PEX3: variants seen among roughly 807,000 people sequenced by gnomAD.
PEX3 encodes the protein peroxisomal biogenesis factor 3.
In PEX3, 30 loss-of-function variants were observed where a neutral mutation model predicts 55.8. The observed-to-expected ratio is 0.54, with a 90% CI of 0.40 to 0.73. The LOEUF (loss-of-function observed/expected upper bound fraction) is 0.73. PEX3 is among the 30% of genes least tolerant of loss of function. The pLI, the probability that PEX3 is intolerant of heterozygous loss-of-function variation, is 0.00. For synonymous variants in PEX3, 135 were observed against 148.4 expected (o/e 0.91, Z 0.66); for missense variants, 351 against 432.8 (o/e 0.81, Z 1.68).
In PEX3 at chr6:143,465,188, C is replaced by T. The variant is rs1779975313; in HGVS notation, c.287+2191C>T. The stretch of plus-strand genomic sequence containing the variant: ...GTTGTATTTAACTTGCAGTTGATTT[C>T]CATCAAACAAATCATTTGAAAGGAA... On this transcript the variant is annotated intron_variant, in intron 3 of 11. Coordinates refer to ENST00000367591, the MANE Select transcript of PEX3 (RefSeq NM_003630.3). This position sits in a 1 kb window ranked among gnomAD's most constrained non-coding sequence, Gnocchi z 4.7. 1.3e-5 allele frequency among the ~76,000 whole-genome samples: 2 copies of T among 151,848 alleles called. No individual in the cohort carries two copies. Among genetic ancestry groups the T allele is most frequent in the African/African-American group, 4.8e-5 (2 of 41,406 alleles).
chr6:143,452,005 T>G (rs1471110515), intron 1 of PEX3, among the ~76,000 whole-genome samples: 1 of 152,238 alleles, frequency 6.6e-6, no homozygotes, highest in Non-Finnish European at 1.5e-5. Context: ...CAAAAGTACT[T>G]AAAATCAAGA....
rs112343870 is a variant in PEX3 at position 143,463,290 on chromosome 6, G to A, written c.287+293G>A. 2.1e-3 allele frequency among the ~76,000 whole-genome samples: 316 copies of A among 152,292 alleles called. 2 individuals carry two copies. The highest frequency in any genetic ancestry group is 7.4e-3 in the African/African-American group (306 of 41,562). ...TTTAATTATGCAGTGCTTGTGAAAT[G>A]TGTTCCTGAACCAGATGCTGTGAAG... On this transcript the variant is annotated intron_variant, in intron 3 of 11. Coordinates refer to ENST00000367591, the MANE Select transcript of PEX3 (RefSeq NM_003630.3). The surrounding 1 kb of genome is among the most constrained non-coding windows in gnomAD (Gnocchi z 5.7).
chr6:143,481,980 A>AT (rs138931480), intron 10 of PEX3, among the ~76,000 whole-genome samples: 2,518 of 152,258 alleles, frequency 0.017, 68 homozygotes, highest in African/African-American at 0.058. Flanking sequence ...AAAAAAATAT[A>AT]TAAAAAAAGA....
Position 143,471,324 on chromosome 6 carries a change from C to A in PEX3, c.457-59C>A. On this transcript the variant is annotated intron_variant, in intron 5 of 11. Transcript: ENST00000367591. This position sits in a 1 kb window ranked among gnomAD's most constrained non-coding sequence, Gnocchi z 5.4. ...ATCTCAGCCAAAGTTTTATTGAAAA[C>A]ATTTCTTATTTACCAGTTTAAAACT... 1 of 1,302,782 alleles carries A rather than the reference C, an allele frequency of 7.7e-7. No individual in the cohort carries two copies. The allele number at this position is 1,302,782 out of a possible 1,614,324, so 80.7% of individuals were successfully genotyped here.
intron 2 of PEX3, among the ~76,000 whole-genome samples, chr6:143,460,394 T>C (rs1779902116): frequency 6.6e-6 from 1 of 152,166 alleles, no homozygotes; most frequent in Non-Finnish European, 1.5e-5. Context: ...ACTTCATAAA[T>C]GTTTTGTGAG....
intron 4 of PEX3, among the ~76,000 whole-genome samples, chr6:143,470,308 C>T (rs113760753): frequency 6.6e-6 from 1 of 152,138 alleles, no homozygotes; most frequent in Admixed American, 6.5e-5. Context: ...TCTTCACTCC[C>T]TCACGCTTTG....
chr6:143,472,085 C>T, intron 7 of PEX3, 75 bp from the exon 8 acceptor site: 1 of 967,580 alleles, frequency 1.0e-6, no homozygotes, highest in South Asian at 1.3e-5. Flanking sequence ...AGATAGTAGC[C>T]TGTTAAGAAA....
In PEX3 at chr6:143,459,285, G is replaced by T. The variant is rs557148304; in HGVS notation, c.205+69G>T. ...GTTGTATTAATTTGCATATCACCGG[G>T]ATCAAATTTAGAGGAAAAGGCAAAG... On this transcript the variant is annotated intron_variant, in intron 2 of 11. Coordinates refer to ENST00000367591, the MANE Select transcript of PEX3 (RefSeq NM_003630.3). This position sits in a 1 kb window ranked among gnomAD's most constrained non-coding sequence, Gnocchi z 4.2. 9 of 1,366,816 alleles carry T rather than the reference G, an allele frequency of 6.6e-6. No individual in the cohort carries two copies. In the South Asian group the frequency reaches 9.4e-5, roughly 14 times the overall value. 84.7% of individuals were successfully genotyped at this position (1,366,816 alleles called of 1,614,324 possible). A position where few individuals can be genotyped will look rare whatever the true frequency, so the allele number is the denominator to read the frequency against.
chr6:143,484,237 C>G (rs1350634013), intron 10 of PEX3, among the ~76,000 whole-genome samples: 1 of 152,106 alleles, frequency 6.6e-6, no homozygotes, highest in Non-Finnish European at 1.5e-5. Flanking sequence ...TTCATTTATG[C>G]ATCCAACAAA....
Position 143,466,642 on chromosome 6 carries a change from T to TA in PEX3, c.288-1479dup, listed in dbSNP as rs986547197. On this transcript the variant is annotated intron_variant, in intron 3 of 11. Coordinates refer to ENST00000367591, the MANE Select transcript of PEX3 (RefSeq NM_003630.3). This position sits in a 1 kb window ranked among gnomAD's most constrained non-coding sequence, Gnocchi z 5.4. Reference sequence around the variant, plus strand: ...GGCATCTACCGAGGGTCTTCAAACGTATCCCCCAAGGATAAGAAGGGACTA... The same window carrying TA: ...GGCATCTACCGAGGGTCTTCAAACGTAATCCCCCAAGGATAAGAAGGGACTA... Among the ~76,000 whole-genome samples, 2 of 152,050 alleles carry TA rather than the reference T, an allele frequency of 1.3e-5. No homozygotes were observed. The highest frequency in any genetic ancestry group is 2.9e-5 in the Non-Finnish European group (2 of 67,932).
chr6:143,477,714 G>A (rs1288813234), intron 9 of PEX3, among the ~76,000 whole-genome samples: 2 of 152,138 alleles, frequency 1.3e-5, no homozygotes, highest in African/African-American at 4.8e-5. Flanking sequence ...TGCTTATGCA[G>A]CAAGCACTGT....
chr6:143,477,786 C>G (rs1016925798), intron 9 of PEX3, among the ~76,000 whole-genome samples: 2 of 152,144 alleles, frequency 1.3e-5, no homozygotes, highest in African/African-American at 4.8e-5. Context: ...GAGGTAGGTA[C>G]TATGATGATC....
In PEX3 at chr6:143,458,610, C is replaced by T. The variant is rs1779877776; in HGVS notation, c.74-475C>T. ...GTTATATTTTAGAAATTAAAACTCA[C>T]CTATTTTTTGTATCTGTTTCCATTA... On this transcript the variant is annotated intron_variant, in intron 1 of 11. Transcript: ENST00000367591. This position sits in a 1 kb window ranked among gnomAD's most constrained non-coding sequence, Gnocchi z 6.1. 6.6e-6 allele frequency among the ~76,000 whole-genome samples: 1 copy of T among 152,096 alleles called. No homozygotes were observed. Among genetic ancestry groups the T allele is most frequent in the African/African-American group, 2.4e-5 (1 of 41,428 alleles).
chr6:143,468,767 T>C (rs1780025165), intron 4 of PEX3, among the ~76,000 whole-genome samples: 1 of 147,958 alleles, frequency 6.8e-6, no homozygotes, highest in Non-Finnish European at 1.5e-5. Flanking sequence ...ACCCATTAAC[T>C]CGTCATTTAC....
At chr6:143,457,499 T>G (rs943823100) in intron 1 of PEX3, among the ~76,000 whole-genome samples, 2 of 152,222 alleles carry the variant, frequency 1.3e-5, no homozygotes, top group Admixed American at 1.3e-4. Context: ...CTATAGCACC[T>G]GTATTAGTGA....
chr6:143,483,977 A>G lies in PEX3; in HGVS notation c.942-1175A>G, dbSNP rs1780278813. ...AAAAAAATGCCTGCTTCCCTCAGGA[A>G]TACATAAATCTTCCCACTTCCTTTA... is the stretch of plus-strand genomic sequence containing the variant. On this transcript the variant is annotated intron_variant, in intron 10 of 11. Coordinates refer to ENST00000367591, the MANE Select transcript of PEX3 (RefSeq NM_003630.3). This position sits in a 1 kb window ranked among gnomAD's most constrained non-coding sequence, Gnocchi z 4.3. Among the ~76,000 whole-genome samples, 1 of 152,090 alleles carries G rather than the reference A, an allele frequency of 6.6e-6. No individual in the cohort carries two copies. Among genetic ancestry groups the G allele is most frequent in the Non-Finnish European group, 1.5e-5 (1 of 67,982 alleles).
chr6:143,474,902 T>C (rs997489535), intron 9 of PEX3, 46 bp downstream of exon 9: 3 of 972,706 alleles, frequency 3.1e-6, no homozygotes, highest in South Asian at 2.6e-5. Flanking sequence ...GTATGTTGAA[T>C]GTACTTGAGA....
intron 4 of PEX3, among the ~76,000 whole-genome samples, chr6:143,470,745 C>T (rs867747276): frequency 1.3e-5 from 2 of 152,132 alleles, no homozygotes; most frequent in Non-Finnish European, 2.9e-5. Context: ...TAATATATTT[C>T]ATTGGTTATT....
rs1342491987 is a variant in PEX3, at chr6:143,455,103, G to A, written c.74-3982G>A. On this transcript the variant is annotated intron_variant, in intron 1 of 11. Coordinates refer to ENST00000367591, the MANE Select transcript of PEX3 (RefSeq NM_003630.3). ...CCTTAATTCAGCAAATATTTATTGCGTTCTGAGTCCCAGTCAGAGTTTATG... is the reference window on the plus strand; with the variant it reads ...CCTTAATTCAGCAAATATTTATTGCATTCTGAGTCCCAGTCAGAGTTTATG... Among the ~76,000 whole-genome samples the A allele has an allele frequency of 2.6e-5, 4 of 152,146 alleles. No individual in the cohort carries two copies. In the East Asian group the frequency reaches 5.8e-4, roughly 22 times the overall value.
Sources: allele counts gnomAD v4.1 joint callset (sites outside exome capture counted in the v4.1 genomes callset), GRCh38; gene constraint gnomAD v4.1.1; non-coding constraint Gnocchi (gnomAD v3.1); transcripts MANE v1.5; gene names NCBI Gene and HGNC (gene_info 2026-07-23, HGNC 2026-07-21).